PRKCE: variants seen among roughly 807,000 people sequenced by gnomAD.
PRKCE encodes protein kinase C epsilon type.
In PRKCE, 16 loss-of-function variants were observed where a neutral mutation model predicts 85.4. The observed-to-expected ratio is 0.19, with a 90% CI of 0.13 to 0.28. The LOEUF (loss-of-function observed/expected upper bound fraction) is 0.28. Among genes scored for constraint, PRKCE ranks in the 10% least tolerant of loss-of-function variants. The pLI, the probability that PRKCE is intolerant of heterozygous loss-of-function variation, is 1.00. For missense variants in PRKCE, 573 were observed against 975.2 expected, an observed-to-expected ratio of 0.59 and a Z score of 5.49; for synonymous variants, 388 against 371.5, an observed-to-expected ratio of 1.04 and a Z score of -0.51.
intron 2 of PRKCE, among the ~76,000 whole-genome samples, chr2:45,971,742 G>T (rs1702123447): frequency 6.6e-6 from 1 of 152,212 alleles, no homozygotes; most frequent in African/African-American, 2.4e-5. Flanking sequence ...AATTCCACCA[G>T]TGTCAACGAA....
intron 1 of PRKCE, among the ~76,000 whole-genome samples, chr2:45,835,622 A>G (rs1426391458): frequency 6.7e-6 from 1 of 148,550 alleles, no homozygotes; most frequent in Non-Finnish European, 1.5e-5. Flanking sequence ...TTTAAGAGAC[A>G]GGATCTCACC....
intron 14 of PRKCE, among the ~76,000 whole-genome samples, chr2:46,161,756 T>C (rs1677786338): frequency 6.6e-6 from 1 of 152,092 alleles, no homozygotes; most frequent in South Asian, 2.1e-4. Context: ...TTTTAGAGTG[T>C]GGATTCATGA....
At chr2:45,999,989 A>G (rs1704535863) in intron 6 of PRKCE, among the ~76,000 whole-genome samples, 1 of 152,078 alleles carries the variant, frequency 6.6e-6, no homozygotes, top group African/African-American at 2.4e-5. Flanking sequence ...TATACTGCCC[A>G]TTTGTTCTTA....
chr2:45,941,281 T>C lies in PRKCE; in HGVS notation c.413-35148T>C, dbSNP rs187454814. Among the ~76,000 whole-genome samples the C allele has an allele frequency of 3.2e-3, 487 of 152,252 alleles. 1 individual carries two copies. The highest frequency in any genetic ancestry group is 5.7e-3 in the Non-Finnish European group (388 of 68,010). On this transcript the variant is annotated intron_variant, in intron 2 of 14. Transcript: ENST00000306156. ...ACCCAGACCTCAAGAAGCCAGCATG[T>C]GGTGCATGTGCAGTGACCAGAGCTT...
intron 9 of PRKCE, 60 bp from the exon 10 acceptor site, chr2:46,010,284 A>G: frequency 6.7e-7 from 1 of 1,486,616 alleles, no homozygotes; most frequent in Non-Finnish European, 8.9e-7. Context: ...GTATTAGCTT[A>G]CACTTCTTCT....
chr2:46,021,378 A>G (rs1706646129), intron 10 of PRKCE, among the ~76,000 whole-genome samples: 1 of 152,204 alleles, frequency 6.6e-6, no homozygotes, highest in African/African-American at 2.4e-5. Flanking sequence ...CCTGCATTAA[A>G]AGGAAAAATG....
At chr2:46,122,338 TC>T (rs1673394434) in intron 11 of PRKCE, among the ~76,000 whole-genome samples, 1 of 152,128 alleles carries the variant, frequency 6.6e-6, no homozygotes, top group Non-Finnish European at 1.5e-5. Context: ...TTCAAGTGAT[TC>T]TCCTGCTCAG....
intron 10 of PRKCE, chr2:46,010,900 A>G: frequency 6.8e-7 from 1 of 1,477,266 alleles, no homozygotes; most frequent in South Asian, 1.4e-5. Context: ...GAAAAAGAGT[A>G]AAGGCCACCT....
At chr2:45,878,292 C>T (rs1694623977) in intron 2 of PRKCE, among the ~76,000 whole-genome samples, 1 of 152,220 alleles carries the variant, frequency 6.6e-6, no homozygotes, top group Non-Finnish European at 1.5e-5. Flanking sequence ...GCATCCTCCT[C>T]TAGTGTTTGC....
At position 46,168,634 on chromosome 2, in the gene PRKCE, G is replaced by T. The variant is rs568712902; in HGVS notation, c.2067+8882G>T. 3.6e-4 allele frequency among the ~76,000 whole-genome samples: 55 copies of T among 152,316 alleles called. No homozygotes were observed. The Middle Eastern group carries it at 0.017, about 47-fold the overall frequency. ...CACCCTAACATTGCCACCTTGAAAA[G>T]CTTCGATGGCAGAAGACTTGATAAT... On this transcript the variant is annotated intron_variant, in intron 14 of 14. Transcript: ENST00000306156.
At chr2:46,150,685 T>A (rs1238851922) in intron 12 of PRKCE, among the ~76,000 whole-genome samples, 1 of 152,228 alleles carries the variant, frequency 6.6e-6, no homozygotes, top group Non-Finnish European at 1.5e-5. Context: ...CAGCTTGTTC[T>A]CTCAGTATGC....
intron 2 of PRKCE, among the ~76,000 whole-genome samples, chr2:45,935,670 A>G (rs953579564): frequency 6.6e-6 from 1 of 151,986 alleles, no homozygotes; most frequent in African/African-American, 2.4e-5. Context: ...CGGTAATCCC[A>G]GCTATTCAGG....
intron 1 of PRKCE, among the ~76,000 whole-genome samples, chr2:45,810,731 G>A (rs570803116): frequency 6.6e-6 from 1 of 152,270 alleles, no homozygotes; most frequent in African/African-American, 2.4e-5. Flanking sequence ...CTACAGGCAT[G>A]CACCATCATG....
chr2:45,677,294 T>G (rs1676520739), intron 1 of PRKCE, among the ~76,000 whole-genome samples: 1 of 151,372 alleles, frequency 6.6e-6, no homozygotes, highest in Non-Finnish European at 1.5e-5. Flanking sequence ...GGCTTTATTC[T>G]GAGGGTTATG....
Position 46,016,838 on chromosome 2 carries a change from G to C in PRKCE, c.1437+6321G>C, listed in dbSNP as rs538726724. ...GCAGGAGAATCGCTTGAACCCAGGA[G>C]GCAGAGGTTGCAGTGAGCCGAGATC... On this transcript the variant is annotated intron_variant, in intron 10 of 14. Transcript: ENST00000306156. 2.1e-4 allele frequency among the ~76,000 whole-genome samples: 32 copies of C among 151,412 alleles called. No homozygotes were observed. In the South Asian group the frequency reaches 6.1e-3, roughly 29 times the overall value.
intron 9 of PRKCE, among the ~76,000 whole-genome samples, chr2:46,008,974 A>T (rs1406170845): frequency 1.3e-5 from 2 of 152,220 alleles, no homozygotes; most frequent in Non-Finnish European, 2.9e-5. Context: ...TAACATCATG[A>T]ATTCCCTCAT....
intron 2 of PRKCE, among the ~76,000 whole-genome samples, chr2:45,971,458 G>A (rs981067966): frequency 1.3e-5 from 2 of 152,168 alleles, no homozygotes; most frequent in Non-Finnish European, 2.9e-5. Context: ...AGAAAGCTAT[G>A]CTAAGGACAT....
chr2:45,881,418 C>T (rs550184163), intron 2 of PRKCE, among the ~76,000 whole-genome samples: 3 of 152,294 alleles, frequency 2.0e-5, no homozygotes, highest in East Asian at 3.9e-4. Context: ...TTCTAGGCCT[C>T]ATTACCATTT....
In PRKCE at chr2:45,673,273, G is replaced by T. The variant is rs1240230304; in HGVS notation, c.348+20825G>T. On this transcript the variant is annotated intron_variant, in intron 1 of 14. Coordinates refer to ENST00000306156, the MANE Select transcript of PRKCE (RefSeq NM_005400.3). ...CCAAAATGTGTTCCAAACAATATAAGAAGTGAATAGGTCATTCACACTCAA... is the reference window on the plus strand; with the variant it reads ...CCAAAATGTGTTCCAAACAATATAATAAGTGAATAGGTCATTCACACTCAA... Among the ~76,000 whole-genome samples, 5 of 152,182 alleles carry T rather than the reference G, an allele frequency of 3.3e-5. No homozygotes were observed. The East Asian group carries it at 9.6e-4, about 29-fold the overall frequency.
Sources: gnomAD v4.1 joint callset for allele counts (sites outside exome capture counted in the v4.1 genomes callset) on GRCh38, gnomAD v4.1.1 for gene constraint, MANE v1.5 for transcripts, NCBI Gene and HGNC (gene_info 2026-07-23, HGNC 2026-07-21) for gene names.